The following ATP11B variants were observed in gnomAD, a reference collection of about 807,000 sequenced individuals.
ATP11B encodes phospholipid-transporting ATPase IF.
Under a neutral mutation model 157.8 loss-of-function variants are expected in ATP11B, and 81 were observed. That is an observed-to-expected ratio of 0.51 (90% CI 0.43 to 0.62). The LOEUF (loss-of-function observed/expected upper bound fraction) is 0.62. ATP11B is among the 20% of genes least tolerant of loss of function. The probability of loss-of-function intolerance (pLI) is 0.00; values close to 1 mark genes in which losing one functional copy is unlikely to be tolerated. For synonymous variants in ATP11B, 451 were observed against 469.4 expected (o/e 0.96, Z 0.51); for missense variants, 1,165 against 1,402.2 (o/e 0.83, Z 2.70).
intron 23 of ATP11B, 125 bp downstream of exon 23, chr3:182,886,135 A>C: frequency 3.8e-6 from 2 of 520,762 alleles, no homozygotes; most frequent in Admixed American, 4.0e-5. Flanking sequence ...AACCAGACAG[A>C]ACTTTTCTGT....
chr3:182,822,761 A>G (rs531796262), intron 2 of ATP11B, among the ~76,000 whole-genome samples: 153 of 152,304 alleles, frequency 1.0e-3, no homozygotes, highest in African/African-American at 3.5e-3. Flanking sequence ...CTATTTCTCC[A>G]CATCCTCTCC....
intron 12 of ATP11B, among the ~76,000 whole-genome samples, chr3:182,863,630 CA>C (rs1721016461): frequency 6.6e-6 from 1 of 151,640 alleles, no homozygotes; most frequent in African/African-American, 2.4e-5. Flanking sequence ...CCATATTATC[CA>C]AAAAACAACT....
intron 12 of ATP11B, among the ~76,000 whole-genome samples, chr3:182,863,109 G>T (rs557418078): frequency 1.3e-5 from 2 of 151,680 alleles, no homozygotes; most frequent in Admixed American, 6.6e-5. Context: ...GTAGAGATGG[G>T]GTTTCACCGT....
intron 15 of ATP11B, among the ~76,000 whole-genome samples, chr3:182,867,990 T>C (rs1721373863): frequency 6.6e-6 from 1 of 152,168 alleles, no homozygotes; most frequent in South Asian, 2.1e-4. Flanking sequence ...GTTACTGAAC[T>C]CTGCTCTAGA....
rs1355726423 is a variant in ATP11B, at chr3:182,921,342, G to A, written c.*3238G>A. 1 of 152,128 alleles carries A rather than the reference G, an allele frequency of 6.6e-6. No individual in the cohort carries two copies. 9.4% of individuals were successfully genotyped at this position (152,128 alleles called of 1,614,324 possible). Reference sequence around the variant, plus strand: ...TTCATAAAAGTAAAACACTATTAAAGTGCTGTTTTATGTGAAATAACTTGA... The same window carrying A: ...TTCATAAAAGTAAAACACTATTAAAATGCTGTTTTATGTGAAATAACTTGA... On this transcript the variant is annotated 3_prime_UTR_variant, in exon 30 of 30. Transcript: ENST00000323116.
At chr3:182,908,254 G>C (rs1344394707) in intron 28 of ATP11B, among the ~76,000 whole-genome samples, 1 of 138,020 alleles carries the variant, frequency 7.2e-6, no homozygotes, top group Non-Finnish European at 1.5e-5. Context: ...CTGCTGCCCA[G>C]GCTGGAGTGC....
chr3:182,852,918 A>G (rs560134966), intron 10 of ATP11B, among the ~76,000 whole-genome samples: 2 of 152,356 alleles, frequency 1.3e-5, no homozygotes, highest in East Asian at 3.9e-4. Flanking sequence ...AACTAAAACA[A>G]AAAATTTAAA....
intron 19 of ATP11B, among the ~76,000 whole-genome samples, chr3:182,876,627 G>T (rs1437047002): frequency 1.3e-5 from 2 of 152,184 alleles, no homozygotes; most frequent in African/African-American, 4.8e-5. Context: ...GTTCCAAAAT[G>T]GTGCCTTATT....
chr3:182,842,921 T>A (rs550827009), intron 8 of ATP11B, among the ~76,000 whole-genome samples: 5 of 152,326 alleles, frequency 3.3e-5, no homozygotes, highest in African/African-American at 1.2e-4. Flanking sequence ...TCATAGTGGA[T>A]AAGTATCTCT....
intron 28 of ATP11B, among the ~76,000 whole-genome samples, chr3:182,903,551 C>G (rs1724119042): frequency 6.6e-6 from 1 of 152,044 alleles, no homozygotes; most frequent in Non-Finnish European, 1.5e-5. Flanking sequence ...TTATTATTAG[C>G]TTCAACTTTA....
chr3:182,823,368 G>A (rs1328472915), intron 2 of ATP11B, among the ~76,000 whole-genome samples: 2 of 152,174 alleles, frequency 1.3e-5, no homozygotes, highest in East Asian at 3.8e-4. Flanking sequence ...TTATTAAATA[G>A]GGACTCCTTT....
intron 13 of ATP11B, among the ~76,000 whole-genome samples, chr3:182,866,023 T>G (rs1040429188): frequency 2.0e-5 from 3 of 152,182 alleles, no homozygotes; most frequent in African/African-American, 4.8e-5. Flanking sequence ...GAGACCTCAC[T>G]TCTTCTATAA....
intron 1 of ATP11B, among the ~76,000 whole-genome samples, chr3:182,811,195 G>C (rs1276947658): frequency 6.6e-6 from 1 of 152,122 alleles, no homozygotes; most frequent in Non-Finnish European, 1.5e-5. Context: ...GTGATTTTCT[G>C]AAATAGTAAA....
chr3:182,921,402 G>T lies in ATP11B; in HGVS notation c.*3298G>T, dbSNP rs1479774045. 6.6e-6 allele frequency: 1 copy of T among 152,114 alleles called. No individual in the cohort carries two copies. Among genetic ancestry groups the T allele is most frequent in the African/African-American group, 2.4e-5 (1 of 41,404 alleles). The allele number at this position is 152,114 out of a possible 1,614,324, so 9.4% of individuals were successfully genotyped here. ...CTATAAAAAATAGATCATAACTCATGATATGTTTGTAATCATGGTAATTTA... is the reference window on the plus strand; with the variant it reads ...CTATAAAAAATAGATCATAACTCATTATATGTTTGTAATCATGGTAATTTA... On this transcript the variant is annotated 3_prime_UTR_variant, in exon 30 of 30. Coordinates refer to ENST00000323116, the MANE Select transcript of ATP11B (RefSeq NM_014616.3).
intron 15 of ATP11B, among the ~76,000 whole-genome samples, chr3:182,868,507 C>T (rs1314631663): frequency 6.6e-6 from 1 of 151,812 alleles, no homozygotes; most frequent in African/African-American, 2.4e-5. Context: ...TAAGCCACAC[C>T]TCATGTAGCC....
chr3:182,881,838 C>T (rs370021667), intron 21 of ATP11B, among the ~76,000 whole-genome samples: 83 of 152,264 alleles, frequency 5.5e-4, no homozygotes, highest in East Asian at 1.9e-3. Context: ...AAAGATCCTA[C>T]AGCGCATTTT....
intron 15 of ATP11B, among the ~76,000 whole-genome samples, chr3:182,868,841 A>G (rs1352318495): frequency 6.6e-6 from 1 of 152,124 alleles, no homozygotes; most frequent in Admixed American, 6.5e-5. Context: ...CCTCTCATGG[A>G]TATTAAATGA....
At chr3:182,861,043 G>C (rs1213692581) in intron 12 of ATP11B, among the ~76,000 whole-genome samples, 3 of 150,670 alleles carry the variant, frequency 2.0e-5, no homozygotes, top group Non-Finnish European at 4.4e-5. Context: ...GGGATTAGGG[G>C]TACAACACAA....
In ATP11B at chr3:182,886,030, T is replaced by C; in HGVS notation, c.2715+20T>C. The stretch of plus-strand genomic sequence containing the variant: ...CAGCAAGTAAGTAAATAGAAACTTG[T>C]GTTTTGTGTTTTGTCCTTTTAGAGT... On this transcript the variant is annotated intron_variant, in intron 23 of 29. Transcript: ENST00000323116. 2 of 1,435,520 alleles carry C rather than the reference T, an allele frequency of 1.4e-6. No homozygotes were observed. Among genetic ancestry groups the C allele is most frequent in the African/African-American group, 1.5e-5 (1 of 66,950 alleles). 88.9% of individuals were successfully genotyped at this position (1,435,520 alleles called of 1,614,324 possible).
Sources: gnomAD v4.1 joint callset for allele counts (sites outside exome capture counted in the v4.1 genomes callset) on GRCh38, gnomAD v4.1.1 for gene constraint, MANE v1.5 for transcripts, NCBI Gene and HGNC (gene_info 2026-07-23, HGNC 2026-07-21) for gene names.